Variants in PDE1A observed in about 807,000 individuals in gnomAD.
PDE1A encodes phosphodiesterase 1A, also known as dual specificity calcium/calmodulin-dependent 3',5'-cyclic nucleotide phosphodiesterase 1A.
PDE1A carries 35 observed loss-of-function variants against 61.7 expected under a neutral mutation model. That is an observed-to-expected ratio of 0.57 (90% CI 0.43 to 0.75). PDE1A has a LOEUF of 0.75. Ranked by LOEUF, PDE1A falls within the 30% of genes least tolerant of loss-of-function variation. The pLI, the probability that PDE1A is intolerant of heterozygous loss-of-function variation, is 0.00. For missense variants in PDE1A, 597 were observed against 630.6 expected (o/e 0.95, Z 0.57); for synonymous variants, 232 against 213.2 (o/e 1.09, Z -0.77).
chr2:182,553,690 G>C, the PDE1A span, among the ~76,000 whole-genome samples: 1 of 152,208 alleles, frequency 6.6e-6, no homozygotes, highest in Non-Finnish European at 1.5e-5. Context: ...TGCCTGGGAG[G>C]AGTTGAGAGA....
At chr2:182,369,670 G>GA (rs909447593) in intron 1 of PDE1A, among the ~76,000 whole-genome samples, 68 of 144,762 alleles carry the variant, frequency 4.7e-4, no homozygotes, top group South Asian at 6.6e-4. Context: ...AAGAGACTCA[G>GA]AAAAAAAAAA....
At chr2:182,642,186 A>T in the PDE1A span, among the ~76,000 whole-genome samples, 1 of 152,240 alleles carries the variant, frequency 6.6e-6, no homozygotes, top group South Asian at 2.1e-4. Flanking sequence ...ATTATAATTT[A>T]TGTAATATAA....
chr2:182,686,140 G>A, the PDE1A span, among the ~76,000 whole-genome samples: 1 of 152,042 alleles, frequency 6.6e-6, no homozygotes, highest in Admixed American at 6.6e-5. Flanking sequence ...GAAGTCATCT[G>A]CAAAGTAGGA....
At chr2:182,498,522 G>T (rs953321775) in intron 2 of PDE1A, among the ~76,000 whole-genome samples, 1 of 144,754 alleles carries the variant, frequency 6.9e-6, no homozygotes, top group Non-Finnish European at 1.5e-5. Context: ...ATCCCAGAAA[G>T]AAAAAAAAAT....
chr2:182,426,176 C>T (rs1703610333), intron 1 of PDE1A, among the ~76,000 whole-genome samples: 4 of 152,230 alleles, frequency 2.6e-5, no homozygotes. Flanking sequence ...CCCGACACTT[C>T]ACTCCAGAAA....
the PDE1A span, among the ~76,000 whole-genome samples, chr2:182,705,155 T>C: frequency 2.0e-5 from 3 of 151,856 alleles, no homozygotes; most frequent in South Asian, 4.2e-4. Flanking sequence ...GGGCCAAATC[T>C]CATGTATGAT....
intron 1 of PDE1A, among the ~76,000 whole-genome samples, chr2:182,339,052 TG>T (rs954180165): frequency 2.0e-5 from 3 of 152,276 alleles, no homozygotes; most frequent in African/African-American, 4.8e-5. Context: ...GTGCTGAAGA[TG>T]TTTTTTTTCT....
intron 1 of PDE1A, among the ~76,000 whole-genome samples, chr2:182,417,229 T>C (rs1273854709): frequency 6.6e-5 from 10 of 152,254 alleles, no homozygotes; most frequent in Admixed American, 5.9e-4. Flanking sequence ...ACTTTGCTAA[T>C]GTTCCTTCCT....
chr2:182,473,790 C>A (rs1393312490), intron 2 of PDE1A, among the ~76,000 whole-genome samples: 1 of 151,956 alleles, frequency 6.6e-6, no homozygotes, highest in Non-Finnish European at 1.5e-5. Context: ...GCCTTCAGCT[C>A]CATCCACGTT....
At chr2:182,436,819 AG>A (rs1347964834) in intron 2 of PDE1A, among the ~76,000 whole-genome samples, 1 of 152,042 alleles carries the variant, frequency 6.6e-6, no homozygotes, top group East Asian at 1.9e-4. Flanking sequence ...CGCATATTAC[AG>A]TAATAGGATT....
chr2:182,345,446 T>C (rs1255849887), intron 1 of PDE1A, among the ~76,000 whole-genome samples: 7 of 152,248 alleles, frequency 4.6e-5, no homozygotes, highest in Non-Finnish European at 1.0e-4. Flanking sequence ...TCATCTATTC[T>C]GAACAGCAGT....
chr2:182,621,914 A>G, the PDE1A span, among the ~76,000 whole-genome samples: 1 of 152,192 alleles, frequency 6.6e-6, no homozygotes, highest in Admixed American at 6.5e-5. Flanking sequence ...TAATGCATTT[A>G]CTTAATAATG....
the PDE1A span, among the ~76,000 whole-genome samples, chr2:182,625,891 AC>A: frequency 6.6e-6 from 1 of 152,218 alleles, no homozygotes; most frequent in Non-Finnish European, 1.5e-5. Flanking sequence ...ACTGGCATCT[AC>A]TGTTGCCTGT....
chr2:182,270,995 T>C (rs1692977280), intron 1 of PDE1A, among the ~76,000 whole-genome samples: 1 of 151,870 alleles, frequency 6.6e-6, no homozygotes, highest in South Asian at 2.1e-4. Context: ...TACAGGCAAA[T>C]ATAACTGTAA....
intron 1 of PDE1A, among the ~76,000 whole-genome samples, chr2:182,389,295 A>T (rs1306382654): frequency 6.6e-6 from 1 of 152,184 alleles, no homozygotes; most frequent in East Asian, 1.9e-4. Flanking sequence ...GAGTGAACAG[A>T]CAACCTATAG....
chr2:182,318,806 C>T (rs545365080), intron 1 of PDE1A, among the ~76,000 whole-genome samples: 6 of 152,132 alleles, frequency 3.9e-5, no homozygotes, highest in African/African-American at 1.4e-4. Flanking sequence ...CCCTCAGCTG[C>T]AATCTATATG....
At chr2:182,387,750 T>A in intron 1 of PDE1A, among the ~76,000 whole-genome samples, 1 of 145,000 alleles carries the variant, frequency 6.9e-6, no homozygotes. Context: ...AGAGTAAAAC[T>A]CCATCTTAAA....
chr2:182,563,937 C>A, the PDE1A span, among the ~76,000 whole-genome samples: 1 of 152,054 alleles, frequency 6.6e-6, no homozygotes, highest in South Asian at 2.1e-4. Context: ...TTATTTTGAG[C>A]CTGTGTGTGT....
chr2:182,714,172 A>C, the PDE1A span, among the ~76,000 whole-genome samples: 4 of 152,238 alleles, frequency 2.6e-5, no homozygotes, highest in African/African-American at 9.6e-5. Context: ...ATATAGTAAG[A>C]ACAGCTGGAG....
Sources: allele counts gnomAD v4.1 joint callset (sites outside exome capture counted in the v4.1 genomes callset), GRCh38; gene constraint gnomAD v4.1.1; transcripts MANE v1.5; gene names NCBI Gene and HGNC (gene_info 2026-07-23, HGNC 2026-07-21).